The following GPR132 variants were observed in gnomAD, a reference collection of about 807,000 sequenced individuals.
GPR132 encodes the protein probable G protein-coupled receptor 132.
In GPR132, 4 loss-of-function variants were observed where a neutral mutation model predicts 1.9. That is an observed-to-expected ratio of 2.13 (90% CI 1.05 to 4.87). The LOEUF (loss-of-function observed/expected upper bound fraction) is 4.87, where lower values mean the gene tolerates loss of function less well. GPR132 is among the 30% of genes most tolerant of loss of function. The pLI, the probability that GPR132 is intolerant of heterozygous loss-of-function variation, is 0.01. For synonymous variants in GPR132, 233 were observed against 234.2 expected (o/e 0.99, Z 0.05); for missense variants, 404 against 512.5 (o/e 0.79, Z 2.04).
rs768217669 is a variant in GPR132 at position 105,059,148 on chromosome 14, G to C, written c.-860-1868C>G. Among the ~76,000 whole-genome samples, 45 of 152,194 alleles carry C rather than the reference G, an allele frequency of 3.0e-4. No individual in the cohort carries two copies. The highest frequency in any genetic ancestry group is 1.0e-3 in the African/African-American group (42 of 41,444). On this transcript the variant is annotated intron_variant, in intron 1 of 3. Transcript: ENST00000329797. The surrounding 1 kb of genome is among the most constrained non-coding windows in gnomAD (Gnocchi z 4.2). ...CACACTCCCCTCCCAGGGCAGGGCC[G>C]GCCCGGCTGCGGGCAGAGCCCCTAC...
chr14:105,051,622 A>C lies in GPR132; in HGVS notation c.515T>G (p.Ile172Ser). The C allele has an allele frequency of 6.2e-7, 1 of 1,613,984 alleles. No homozygotes were observed. Among genetic ancestry groups the C allele is most frequent in the South Asian group, 1.1e-5 (1 of 91,090 alleles). ...CGTCTGGAACACCGGGTAGTGAACG[A>C]TCCCGACGAGGATGAAGATGCAGGC... is the stretch of plus-strand genomic sequence containing the variant. ...ISACIFILVG[I>S]VHYPVFQTED... The change falls in exon 4 of 4, where the codon ATC becomes AGC. Residue 172 changes from isoleucine to serine, a missense_variant. Coordinates refer to ENST00000329797, the MANE Select transcript of GPR132 (RefSeq NM_013345.4). The surrounding 1 kb of genome is among the most constrained non-coding windows in gnomAD (Gnocchi z 8.0).
Position 105,055,513 on chromosome 14 carries a change from A to C in GPR132, c.-93T>G. The C allele has an allele frequency of 1.3e-6, 1 of 764,168 alleles. No homozygotes were observed. The highest frequency in any genetic ancestry group is 2.3e-4 in the Middle Eastern group (1 of 4,380). 47.3% of individuals were successfully genotyped at this position (764,168 alleles called of 1,614,324 possible). ...CTGCCCCAGGAAGCACTCGCTCCGC[A>C]TTTGCTCCCAGCCCCCAGGCCTCCA... On this transcript the variant is annotated 5_prime_UTR_variant, in exon 3 of 4. The change abolishes an upstream ATG in the 5' untranslated region. Transcript: ENST00000329797. The surrounding 1 kb of genome is among the most constrained non-coding windows in gnomAD (Gnocchi z 4.7).
rs1206976642 is a variant in GPR132 at position 105,056,900 on chromosome 14, C to T, written c.-747+267G>A. On this transcript the variant is annotated intron_variant, in intron 2 of 3. Coordinates refer to ENST00000329797, the MANE Select transcript of GPR132 (RefSeq NM_013345.4). This position sits in a 1 kb window ranked among gnomAD's most constrained non-coding sequence, Gnocchi z 6.0. ...CTCCCCTGGGACCTGTGGGACAGCC[C>T]CCTGACTCAGTACTGTGTCGCCCTC... is the stretch of plus-strand genomic sequence containing the variant. 2.0e-5 allele frequency among the ~76,000 whole-genome samples: 3 copies of T among 152,218 alleles called. No individual in the cohort carries two copies. The highest frequency in any genetic ancestry group is 7.2e-5 in the African/African-American group (3 of 41,454).
At chr14:105,061,501 C>T (rs985937819) in intron 1 of GPR132, among the ~76,000 whole-genome samples, 2 of 152,192 alleles carry the variant, frequency 1.3e-5, no homozygotes, top group Admixed American at 1.3e-4. Context: ...CCCAGTGGCC[C>T]CACCCGCCAG....
At position 105,050,925 on chromosome 14, in the gene GPR132, T is replaced by G. The variant is rs1886616421; in HGVS notation, c.*69A>C. On this transcript the variant is annotated 3_prime_UTR_variant, in exon 4 of 4. Coordinates refer to ENST00000329797, the MANE Select transcript of GPR132 (RefSeq NM_013345.4). This position sits in a 1 kb window ranked among gnomAD's most constrained non-coding sequence, Gnocchi z 4.0. ...GACATGGGCACTGTGGCTGGTGGGCTCAGTGCACAGGAACCACATTGCTGG... is the reference window on the plus strand; with the variant it reads ...GACATGGGCACTGTGGCTGGTGGGCGCAGTGCACAGGAACCACATTGCTGG... The G allele has an allele frequency of 7.1e-7, 1 of 1,413,392 alleles. No homozygotes were observed. The highest frequency in any genetic ancestry group is 1.4e-5 in the African/African-American group (1 of 71,032). The allele number at this position is 1,413,392 out of a possible 1,614,324, so 87.6% of individuals were successfully genotyped here.
chr14:105,052,558 C>G (rs1254886693), intron 3 of GPR132, among the ~76,000 whole-genome samples: 1 of 151,486 alleles, frequency 6.6e-6, no homozygotes, highest in Non-Finnish European at 1.5e-5. Flanking sequence ...AATTCCTGAT[C>G]TCAGGTGATC....
intron 1 of GPR132, among the ~76,000 whole-genome samples, chr14:105,061,566 A>G (rs1886943310): frequency 6.6e-6 from 1 of 152,094 alleles, no homozygotes. Context: ...CTCCACAGAA[A>G]GGGGCGTGGG....
Position 105,060,076 on chromosome 14 carries a change from C to A in GPR132, c.-860-2796G>T, listed in dbSNP as rs1304479245. On this transcript the variant is annotated intron_variant, in intron 1 of 3. Transcript: ENST00000329797. This position sits in a 1 kb window ranked among gnomAD's most constrained non-coding sequence, Gnocchi z 6.3. ...TGGCTGGAGTAAGTATGCACTGCTC[C>A]CTGCATCTCGGGCCAGCCCCCTGAG... Among the ~76,000 whole-genome samples, 2 of 152,210 alleles carry A rather than the reference C, an allele frequency of 1.3e-5. No homozygotes were observed. The highest frequency in any genetic ancestry group is 2.9e-5 in the Non-Finnish European group (2 of 68,038).
Position 105,051,017 on chromosome 14 carries a change from T to A in GPR132, c.1120A>T (p.Arg374Trp). The A allele has an allele frequency of 1.9e-6, 3 of 1,613,202 alleles. No individual in the cohort carries two copies. Among genetic ancestry groups the A allele is most frequent in the Non-Finnish European group, 2.5e-6 (3 of 1,179,284 alleles). Residue 374 changes from arginine to tryptophan, a missense_variant, in exon 4 of 4, where the codon AGG becomes TGG. Coordinates refer to ENST00000329797, the MANE Select transcript of GPR132 (RefSeq NM_013345.4). The surrounding 1 kb of genome is among the most constrained non-coding windows in gnomAD (Gnocchi z 8.0). The stretch of plus-strand genomic sequence containing the variant: ...GCTCAGCAGGACTCCTCAATCAGCC[T>A]CTTTGCAGGGCATGGTGACCCTGGT... ...HPPGSPCPAK[R>W]LIEESC
chr14:105,052,970 A>AT (rs1342117483), intron 3 of GPR132, among the ~76,000 whole-genome samples: 2 of 151,546 alleles, frequency 1.3e-5, no homozygotes, highest in Non-Finnish European at 2.9e-5. Flanking sequence ...AAAAAAAAAA[A>AT]AAAAGTTGCT....
At position 105,059,305 on chromosome 14, in the gene GPR132, A is replaced by T. The variant is rs1440416833; in HGVS notation, c.-860-2025T>A. On this transcript the variant is annotated intron_variant, in intron 1 of 3. Coordinates refer to ENST00000329797, the MANE Select transcript of GPR132 (RefSeq NM_013345.4). This position sits in a 1 kb window ranked among gnomAD's most constrained non-coding sequence, Gnocchi z 4.2. ...ATTCTCTGGAAGCTGCTCAAAAGTG[A>T]GGCAGAACCCAGGGACACCCACACC... Among the ~76,000 whole-genome samples the T allele has an allele frequency of 1.3e-5, 2 of 152,140 alleles. No homozygotes were observed. The highest frequency in any genetic ancestry group is 4.8e-5 in the African/African-American group (2 of 41,412).
chr14:105,059,607 C>T lies in GPR132; in HGVS notation c.-860-2327G>A, dbSNP rs1038995080. Among the ~76,000 whole-genome samples the T allele has an allele frequency of 6.6e-6, 1 of 151,732 alleles. No individual in the cohort carries two copies. Among genetic ancestry groups the T allele is most frequent in the Non-Finnish European group, 1.5e-5 (1 of 67,918 alleles). On this transcript the variant is annotated intron_variant, in intron 1 of 3. Transcript: ENST00000329797. This position sits in a 1 kb window ranked among gnomAD's most constrained non-coding sequence, Gnocchi z 4.2. ...GCGAGAGACAAATGGTTGGGAAGCC[C>T]CCTCCCTGCTTCGAGTTGTCCCCAC...
intron 1 of GPR132, among the ~76,000 whole-genome samples, chr14:105,063,542 A>AT (rs1595143066): frequency 6.6e-6 from 1 of 150,752 alleles, no homozygotes; most frequent in Non-Finnish European, 1.5e-5. Context: ...TGCCCGGCTA[A>AT]TTTTTTGTAT....
At chr14:105,063,265 G>A (rs1886997504) in intron 1 of GPR132, among the ~76,000 whole-genome samples, 1 of 151,950 alleles carries the variant, frequency 6.6e-6, no homozygotes, top group Non-Finnish European at 1.5e-5. Context: ...ATGTTCCTGG[G>A]ATGGACATTT....
chr14:105,062,575 C>G (rs1234569369), intron 1 of GPR132, among the ~76,000 whole-genome samples: 2 of 112,636 alleles, frequency 1.8e-5, no homozygotes, highest in African/African-American at 3.5e-5. Context: ...GAGTCTTGCT[C>G]TGTTGCCCAG....
At position 105,055,079 on chromosome 14, in the gene GPR132, C is replaced by T. The variant is rs191586964; in HGVS notation, c.34+308G>A. Among the ~76,000 whole-genome samples, 51 of 148,520 alleles carry T rather than the reference C, an allele frequency of 3.4e-4. No individual in the cohort carries two copies. The highest frequency in any genetic ancestry group is 1.1e-3 in the African/African-American group (46 of 40,134). On this transcript the variant is annotated intron_variant, in intron 3 of 3. Transcript: ENST00000329797. The surrounding 1 kb of genome is among the most constrained non-coding windows in gnomAD (Gnocchi z 4.7). ...CATGGGCCGTTCATTCCTTCAATCC[C>T]AACGCTTTGGAAGGACAAGGCAGGT...
Position 105,060,875 on chromosome 14 carries a change from C to T in GPR132, c.-860-3595G>A, listed in dbSNP as rs1263753800. 6.6e-6 allele frequency among the ~76,000 whole-genome samples: 1 copy of T among 152,244 alleles called. No individual in the cohort carries two copies. The highest frequency in any genetic ancestry group is 1.5e-5 in the Non-Finnish European group (1 of 68,048). On this transcript the variant is annotated intron_variant, in intron 1 of 3. Coordinates refer to ENST00000329797, the MANE Select transcript of GPR132 (RefSeq NM_013345.4). The surrounding 1 kb of genome is among the most constrained non-coding windows in gnomAD (Gnocchi z 6.3). ...GTGGCAGCTGCAGTGGAAATGCACG[C>T]TCCCCTCCCGGGCCCCAGCCGCAGG... is the stretch of plus-strand genomic sequence containing the variant.
At chr14:105,064,921 C>T (rs1473133220) in intron 1 of GPR132, among the ~76,000 whole-genome samples, 1 of 152,144 alleles carries the variant, frequency 6.6e-6, no homozygotes, top group African/African-American at 2.4e-5. Context: ...CCCCACTGCC[C>T]TGCTTTTCCC....
intron 1 of GPR132, among the ~76,000 whole-genome samples, chr14:105,064,424 C>T (rs906432387): frequency 6.6e-6 from 1 of 152,110 alleles, no homozygotes; most frequent in African/African-American, 2.4e-5. Flanking sequence ...AGCTCCGCCT[C>T]TCAGGTTCAA....
Sources: allele counts gnomAD v4.1 joint callset (sites outside exome capture counted in the v4.1 genomes callset), GRCh38; gene constraint gnomAD v4.1.1; non-coding constraint Gnocchi (gnomAD v3.1); transcripts MANE v1.5; gene names NCBI Gene and HGNC (gene_info 2026-07-23, HGNC 2026-07-21).